The following CPLANE1 variants were observed in gnomAD, a reference collection of about 807,000 sequenced individuals.
CPLANE1 encodes ciliogenesis and planar polarity effector 1.
In CPLANE1, 263 loss-of-function variants were observed where a neutral mutation model predicts 362.5. The ratio of observed to expected loss-of-function variants is 0.73; its 90% CI spans 0.66 to 0.80. The LOEUF is 0.80. Among genes scored for constraint, CPLANE1 ranks in the 30% least tolerant of loss-of-function variants. The pLI is 0.00. For missense variants in CPLANE1, 3,461 were observed against 3,793.4 expected (o/e 0.91, Z 2.30); for synonymous variants, 1,212 against 1,302.6 (o/e 0.93, Z 1.50).
intron 9 of CPLANE1, among the ~76,000 whole-genome samples, chr5:37,228,416 C>G (rs1274462117): frequency 6.6e-6 from 1 of 152,028 alleles, no homozygotes; most frequent in African/African-American, 2.4e-5. Flanking sequence ...TAATTTTTTT[C>G]TGGTTAGGCA....
chr5:37,165,594 C>T lies in CPLANE1; in HGVS notation c.7478G>A (p.Arg2493Gln), dbSNP rs183942272. 4.6e-5 allele frequency: 74 copies of T among 1,610,642 alleles called. No homozygotes were observed. In the East Asian group the frequency reaches 1.4e-3, roughly 30 times the overall value. Residue 2493 changes from arginine (R) to glutamine (Q), a missense_variant, in exon 36 of 53, where the codon CGA becomes CAA. Around this residue, in one of 2 missense-constraint regions of CPLANE1, gnomAD observed 3,380 missense variants for 3,666.1 expected, o/e 0.92. Coordinates refer to ENST00000651892, the MANE Select transcript of CPLANE1 (RefSeq NM_001384732.1). Reference sequence around the variant, plus strand: ...ATTATTAATTATGGAATTCTCTGGTCGAAAAGTCACATTTGGTTTTCTCCT... The same window carrying T: ...ATTATTAATTATGGAATTCTCTGGTTGAAAAGTCACATTTGGTTTTCTCCT... ...KLRRKPNVTF[R>Q]PENSIINNDD...
chr5:37,159,315 G>A (rs1227237476), intron 38 of CPLANE1, among the ~76,000 whole-genome samples: 2 of 150,204 alleles, frequency 1.3e-5, no homozygotes, highest in East Asian at 3.9e-4. Flanking sequence ...GTTTCACCTT[G>A]TTAGCCAGGA....
At position 37,158,282 on chromosome 5, in the gene CPLANE1, G is replaced by A. The variant is rs1217838562; in HGVS notation, c.7754C>T (p.Ser2585Phe). ...VPDVYLNLKLSSEMSEKPWSP... is the reference protein window; with the variant it reads ...VPDVYLNLKLFSEMSEKPWSP... Reference sequence around the variant, plus strand: ...CCAAGGTTTCTCTGACATTTCACTGGAAAGCTTCAGATTTAGATAGACATC... The same window carrying A: ...CCAAGGTTTCTCTGACATTTCACTGAAAAGCTTCAGATTTAGATAGACATC... The change falls in exon 39 of 53, where the codon TCC becomes TTC. Residue 2585 changes from serine to phenylalanine, a missense_variant. Ser to Phe is a radical substitution (Grantham distance 155, BLOSUM62 -2). Coordinates refer to ENST00000651892, the MANE Select transcript of CPLANE1 (RefSeq NM_001384732.1). The A allele has an allele frequency of 5.0e-6, 8 of 1,613,712 alleles. No individual in the cohort carries two copies. Among genetic ancestry groups the A allele is most frequent in the Non-Finnish European group, 5.9e-6 (7 of 1,179,862 alleles).
chr5:37,171,192 T>C (rs1779704532), intron 32 of CPLANE1, among the ~76,000 whole-genome samples: 1 of 152,206 alleles, frequency 6.6e-6, no homozygotes. Context: ...CTGTATTCAT[T>C]AAGATGACCA....
At chr5:37,123,043 T>C (rs1763110307) in intron 47 of CPLANE1, among the ~76,000 whole-genome samples, 1 of 152,238 alleles carries the variant, frequency 6.6e-6, no homozygotes, top group Non-Finnish European at 1.5e-5. Context: ...TGGAAGCACC[T>C]ATGCTTTGTA....
At position 37,206,288 on chromosome 5, in the gene CPLANE1, A is replaced by G; in HGVS notation, c.3058T>C (p.Trp1020Arg). 2 of 1,551,768 alleles carry G rather than the reference A, an allele frequency of 1.3e-6. No individual in the cohort carries two copies. The highest frequency in any genetic ancestry group is 1.7e-6 in the Non-Finnish European group (2 of 1,147,008). ...FIGGLVPEAV[W>R]LAYKLGDWKT... ...CAGTCTCCAAGTTTATATGCCAACC[A>G]CACAGCCTCTGGAACCAGGCCACCA... The change falls in exon 17 of 53, where the codon TGG (tryptophan) becomes CGG (arginine). Residue 1020 changes from tryptophan to arginine, a missense_variant. Trp to Arg is a moderately radical substitution (Grantham distance 101). Around this residue, in one of 2 missense-constraint regions of CPLANE1, gnomAD observed 3,380 missense variants for 3,666.1 expected, o/e 0.92. Coordinates refer to ENST00000651892, the MANE Select transcript of CPLANE1 (RefSeq NM_001384732.1).
At chr5:37,120,372 C>G in intron 49 of CPLANE1, 32 bp from the exon 50 acceptor site, 1 of 1,527,578 alleles carries the variant, frequency 6.5e-7, no homozygotes, top group Non-Finnish European at 8.8e-7. Flanking sequence ...TATTACATTC[C>G]CAGAATCTCA....
intron 46 of CPLANE1, among the ~76,000 whole-genome samples, chr5:37,129,437 A>C (rs1765149239): frequency 6.6e-6 from 1 of 152,254 alleles, no homozygotes; most frequent in Non-Finnish European, 1.5e-5. Flanking sequence ...TGCACAGCAA[A>C]AGAAACAATC....
intron 21 of CPLANE1, among the ~76,000 whole-genome samples, chr5:37,188,313 C>G (rs1444052967): frequency 6.6e-6 from 1 of 152,206 alleles, no homozygotes; most frequent in Non-Finnish European, 1.5e-5. Flanking sequence ...GCTATCAAAA[C>G]AAGTTTTCAC....
chr5:37,119,531 A>G (rs2150054700), intron 50 of CPLANE1, among the ~76,000 whole-genome samples: 1 of 152,198 alleles, frequency 6.6e-6, no homozygotes, highest in South Asian at 2.1e-4. Flanking sequence ...TTAGCCAGGT[A>G]TGGTGATGCA....
At chr5:37,121,532 C>T (rs1323204588) in intron 49 of CPLANE1, 85 bp downstream of exon 49, 4 of 1,267,784 alleles carry the variant, frequency 3.2e-6, no homozygotes, top group Non-Finnish European at 4.5e-6. Flanking sequence ...TGCAAATGCA[C>T]TGAACTTAGG....
the CPLANE1 span, among the ~76,000 whole-genome samples, chr5:37,076,717 C>T: frequency 6.6e-6 from 1 of 151,788 alleles, no homozygotes; most frequent in Non-Finnish European, 1.5e-5. Context: ...TGTCATTGAG[C>T]ATACCAATTA....
chr5:37,080,014 G>C, the CPLANE1 span, among the ~76,000 whole-genome samples: 4 of 152,232 alleles, frequency 2.6e-5, no homozygotes, highest in Admixed American at 2.0e-4. Context: ...CAGATACTTT[G>C]AGCAAAGCTG....
intron 38 of CPLANE1, among the ~76,000 whole-genome samples, chr5:37,161,103 C>T (rs1272124719): frequency 6.6e-6 from 1 of 152,162 alleles, no homozygotes; most frequent in Non-Finnish European, 1.5e-5. Context: ...AAACTGGAAA[C>T]TGTCTAATGT....
chr5:37,084,012 CT>C, the CPLANE1 span, among the ~76,000 whole-genome samples: 2 of 152,144 alleles, frequency 1.3e-5, no homozygotes, highest in Non-Finnish European at 2.9e-5. Flanking sequence ...AGGAAAGAAT[CT>C]TAAGAGCTGT....
intron 26 of CPLANE1, 84 bp downstream of exon 26, chr5:37,182,676 C>A (rs1782978432): frequency 1.2e-6 from 1 of 854,416 alleles, no homozygotes; most frequent in Non-Finnish European, 1.8e-6. Flanking sequence ...TTTAATGATT[C>A]TTTAAAAGAT....
the CPLANE1 span, among the ~76,000 whole-genome samples, chr5:37,091,667 A>G: frequency 1.3e-5 from 2 of 152,196 alleles, no homozygotes; most frequent in Non-Finnish European, 2.9e-5. Flanking sequence ...CAAGACATAA[A>G]GCCTGCAGTT....
At chr5:37,133,804 T>C (rs116447781) in intron 46 of CPLANE1, among the ~76,000 whole-genome samples, 263 of 152,312 alleles carry the variant, frequency 1.7e-3, no homozygotes, top group African/African-American at 6.0e-3. Context: ...GGACTTCCAG[T>C]ACTGTGTTAA....
At chr5:37,248,710 C>T (rs973790291) in intron 1 of CPLANE1, among the ~76,000 whole-genome samples, 1 of 152,132 alleles carries the variant, frequency 6.6e-6, no homozygotes, top group African/African-American at 2.4e-5. Flanking sequence ...AAAGGGTTAA[C>T]CAAATGCCAG....
Sources: allele counts gnomAD v4.1 joint callset (sites outside exome capture counted in the v4.1 genomes callset), GRCh38; gene constraint gnomAD v4.1.1; regional missense constraint gnomAD v4.1.1; transcripts MANE v1.5; gene names NCBI Gene and HGNC (gene_info 2026-07-23, HGNC 2026-07-21).